RSRC1: variants seen among roughly 807,000 people sequenced by gnomAD.
The protein encoded by RSRC1 is arginine and serine rich coiled-coil 1, also known as serine/Arginine-related protein 53.
RSRC1 carries 39 observed loss-of-function variants against 49.1 expected under a neutral mutation model. The observed-to-expected ratio is 0.79, with a 90% CI of 0.61 to 1.04. RSRC1 has a LOEUF of 1.04. RSRC1 is among the 50% of genes least tolerant of loss of function. RSRC1 has a pLI of 0.00. For missense variants in RSRC1, 388 were observed against 402.4 expected (o/e 0.96, Z 0.31); for synonymous variants, 143 against 130.8 (o/e 1.09, Z -0.63).
intron 5 of RSRC1, among the ~76,000 whole-genome samples, chr3:158,328,424 C>G (rs1729312895): frequency 7.3e-6 from 1 of 136,606 alleles, no homozygotes; most frequent in South Asian, 2.6e-4. Context: ...GTAGGGCAGG[C>G]CTGGTGGTGA....
intron 6 of RSRC1, among the ~76,000 whole-genome samples, chr3:158,434,567 C>T (rs1453948583): frequency 1.3e-5 from 2 of 151,954 alleles, no homozygotes; most frequent in African/African-American, 2.4e-5. Context: ...AACATTCCAA[C>T]AGACAGAAGA....
At chr3:158,264,033 A>G (rs936372836) in intron 4 of RSRC1, among the ~76,000 whole-genome samples, 1 of 151,680 alleles carries the variant, frequency 6.6e-6, no homozygotes, top group Non-Finnish European at 1.5e-5. Context: ...ATTCTATTTC[A>G]TTTCTTTCCA....
intron 5 of RSRC1, among the ~76,000 whole-genome samples, chr3:158,327,967 A>T (rs1318947326): frequency 6.6e-6 from 1 of 152,066 alleles, no homozygotes; most frequent in Non-Finnish European, 1.5e-5. Context: ...TGTTGAATTG[A>T]TCCCTTTACC....
chr3:158,399,669 G>A (rs1013415785), intron 6 of RSRC1, among the ~76,000 whole-genome samples: 10 of 152,226 alleles, frequency 6.6e-5, no homozygotes, highest in African/African-American at 1.9e-4. Context: ...TTGGCTAGTA[G>A]CTATCTTATT....
intron 4 of RSRC1, among the ~76,000 whole-genome samples, chr3:158,224,855 GAGA>G (rs1304411850): frequency 6.6e-6 from 1 of 151,806 alleles, no homozygotes; most frequent in Non-Finnish European, 1.5e-5. Flanking sequence ...TTTATTTTGA[GAGA>G]AGAATATTAA....
intron 7 of RSRC1, among the ~76,000 whole-genome samples, chr3:158,520,105 CAA>C (rs1464265793): frequency 6.6e-6 from 1 of 152,054 alleles, no homozygotes; most frequent in Non-Finnish European, 1.5e-5. Flanking sequence ...CAAGGACAGT[CAA>C]AGGTAGTTTT....
In RSRC1 at chr3:158,273,056, A is replaced by G. The variant is rs373021775; in HGVS notation, c.495-24983A>G. ...AAAAAGAACCTGTTTTTGTGTTTTTATCTTCTGATATTAGTGGAAATTAAT... is the reference window on the plus strand; with the variant it reads ...AAAAAGAACCTGTTTTTGTGTTTTTGTCTTCTGATATTAGTGGAAATTAAT... On this transcript the variant is annotated intron_variant, in intron 4 of 9. Coordinates refer to ENST00000611884, the MANE Select transcript of RSRC1 (RefSeq NM_001271838.2). Among the ~76,000 whole-genome samples, 48 of 152,132 alleles carry G rather than the reference A, an allele frequency of 3.2e-4. 6 individuals carry two copies. The highest frequency in any genetic ancestry group is 2.2e-3 in the Admixed American group (34 of 15,280).
At chr3:158,375,782 A>G (rs1208856870) in intron 6 of RSRC1, among the ~76,000 whole-genome samples, 4 of 152,172 alleles carry the variant, frequency 2.6e-5, no homozygotes, top group African/African-American at 9.7e-5. Flanking sequence ...TTCACTTTGG[A>G]AAATAATTTT....
chr3:158,468,225 G>C (rs546396334), intron 7 of RSRC1, among the ~76,000 whole-genome samples: 1 of 152,140 alleles, frequency 6.6e-6, no homozygotes, highest in East Asian at 1.9e-4. Flanking sequence ...GAGCCACCGC[G>C]CCCGGCCAGA....
At chr3:158,447,947 A>G (rs906849775) in intron 6 of RSRC1, among the ~76,000 whole-genome samples, 3 of 151,902 alleles carry the variant, frequency 2.0e-5, no homozygotes, top group African/African-American at 4.8e-5. Context: ...CTCTTTAAAA[A>G]ATATATATAC....
At chr3:158,140,393 T>G (rs927545291) in intron 3 of RSRC1, among the ~76,000 whole-genome samples, 4 of 152,234 alleles carry the variant, frequency 2.6e-5, no homozygotes, top group African/African-American at 9.6e-5. Flanking sequence ...TAGTATTTTG[T>G]TTTCTGTTTC....
intron 7 of RSRC1, among the ~76,000 whole-genome samples, chr3:158,513,392 G>T (rs1424775628): frequency 6.6e-6 from 1 of 152,132 alleles, no homozygotes; most frequent in Non-Finnish European, 1.5e-5. Flanking sequence ...TTTTGCCTTT[G>T]GTTCTGTTTA....
chr3:158,276,289 G>T, intron 4 of RSRC1: 2 of 762,502 alleles, frequency 2.6e-6, no homozygotes, highest in Admixed American at 1.7e-5. Context: ...AATTTATCAG[G>T]CCAGATGGGG....
At chr3:158,342,495 A>G (rs1730309458) in intron 5 of RSRC1, among the ~76,000 whole-genome samples, 1 of 152,302 alleles carries the variant, frequency 6.6e-6, no homozygotes, top group African/African-American at 2.4e-5. Context: ...ACTTCCTGCC[A>G]TGATTCTGAG....
rs1713216898 is a variant in RSRC1 at position 158,544,454 on chromosome 3, A to G, written c.*179A>G. ...TTTGTTAATTTGAATTAAATCAAAC[A>G]TTGTAAAAATTAAAACAAAATTTAA... On this transcript the variant is annotated 3_prime_UTR_variant, in exon 10 of 10. Coordinates refer to ENST00000611884, the MANE Select transcript of RSRC1 (RefSeq NM_001271838.2). The G allele has an allele frequency of 5.0e-6, 2 of 399,272 alleles. 1 individual carries two copies. The highest frequency in any genetic ancestry group is 4.1e-5 in the African/African-American group (2 of 48,328). The allele number at this position is 399,272 out of a possible 1,614,324, so 24.7% of individuals were successfully genotyped here.
intron 5 of RSRC1, among the ~76,000 whole-genome samples, 189 bp from the exon 6 acceptor site, chr3:158,354,668 A>G (rs75924897): frequency 6.6e-6 from 1 of 152,336 alleles, no homozygotes; most frequent in African/African-American, 2.4e-5. Flanking sequence ...GGAAAAAAAA[A>G]TGAAAGAAGC....
At chr3:158,376,858 CA>C (rs57431515) in intron 6 of RSRC1, among the ~76,000 whole-genome samples, 79,170 of 151,722 alleles carry the variant, frequency 0.52, 21,011 homozygotes, top group African/African-American at 0.61. Flanking sequence ...AATTCTTTTA[CA>C]TTTTTTTAGA....
intron 4 of RSRC1, among the ~76,000 whole-genome samples, chr3:158,229,550 T>G (rs1236525012): frequency 2.6e-5 from 4 of 151,160 alleles, no homozygotes; most frequent in Admixed American, 1.3e-4. Context: ...TTTGTTTTTT[T>G]TTTTTAGAGC....
intron 8 of RSRC1, among the ~76,000 whole-genome samples, chr3:158,537,493 T>C (rs1712780902): frequency 6.6e-6 from 1 of 151,668 alleles, no homozygotes; most frequent in Non-Finnish European, 1.5e-5. Flanking sequence ...TGCACATTTC[T>C]TAACATACAT....
Sources: gnomAD v4.1 joint callset for allele counts (sites outside exome capture counted in the v4.1 genomes callset) on GRCh38, gnomAD v4.1.1 for gene constraint, MANE v1.5 for transcripts, NCBI Gene and HGNC (gene_info 2026-07-23, HGNC 2026-07-21) for gene names.